Variants in CAMTA1 observed in about 807,000 individuals in gnomAD.
CAMTA1 encodes the protein calmodulin-binding transcription activator 1.
CAMTA1 carries 27 observed loss-of-function variants against 170.9 expected under a neutral mutation model. The ratio of observed to expected loss-of-function variants is 0.16; its 90% confidence interval spans 0.12 to 0.22. CAMTA1 has a LOEUF of 0.22. Among genes scored for constraint, CAMTA1 ranks in the 10% least tolerant of loss-of-function variants. The pLI is 1.00. For missense variants in CAMTA1, 1,619 were observed against 2,217.2 expected, an observed-to-expected ratio of 0.73 and a Z score of 5.42; for synonymous variants, 833 against 891.5, an observed-to-expected ratio of 0.93 and a Z score of 1.17.
intron 6 of CAMTA1, among the ~76,000 whole-genome samples, chr1:7,626,354 T>G (rs1413561844): frequency 6.6e-6 from 1 of 152,164 alleles, no homozygotes; most frequent in African/African-American, 2.4e-5. Flanking sequence ...GCTCCCCAGG[T>G]GCTCCTCCAG....
At chr1:7,056,155 G>A in intron 3 of CAMTA1, among the ~76,000 whole-genome samples, 1 of 152,204 alleles carries the variant, frequency 6.6e-6, no homozygotes, top group African/African-American at 2.4e-5. Flanking sequence ...CTGGTCCCCG[G>A]GGCCAGAGGC....
intron 6 of CAMTA1, among the ~76,000 whole-genome samples, chr1:7,498,880 GTA>G (rs769549033): frequency 4.0e-5 from 6 of 150,754 alleles, no homozygotes; most frequent in Non-Finnish European, 8.9e-5. Flanking sequence ...GAGTGAGTGT[GTA>G]GAGAGGATGG....
rs573509578 is a variant in CAMTA1, at chr1:7,183,605, A to G, written c.303-65886A>G. ...GTGGTTGAATAAGTGCTGGTGCATAATGCATAGTACATGGCACAGTGGATA... is the reference window on the plus strand; with the variant it reads ...GTGGTTGAATAAGTGCTGGTGCATAGTGCATAGTACATGGCACAGTGGATA... On this transcript the variant is annotated intron_variant, in intron 4 of 22. Transcript: ENST00000303635. Among the ~76,000 whole-genome samples the G allele has an allele frequency of 5.3e-5, 8 of 152,304 alleles. No individual in the cohort carries two copies. In the South Asian group the frequency reaches 1.0e-3, roughly 20 times the overall value.
rs2095250166 is a variant in CAMTA1, at chr1:7,580,440, G to T, written c.511-59960G>T. ...AAGACAGGTGAGGGGGCTGATGGGA[G>T]CCATGATGAGGTCCCAGGGGTAGTG... On this transcript the variant is annotated intron_variant, in intron 6 of 22. Coordinates refer to ENST00000303635, the MANE Select transcript of CAMTA1 (RefSeq NM_015215.4). The surrounding 1 kb of genome is among the most constrained non-coding windows in gnomAD (Gnocchi z 4.3). Among the ~76,000 whole-genome samples the T allele has an allele frequency of 6.6e-6, 1 of 152,140 alleles. No individual in the cohort carries two copies. Among genetic ancestry groups the T allele is most frequent in the South Asian group, 2.1e-4 (1 of 4,824 alleles).
chr1:7,632,683 G>A (rs1347098558), intron 6 of CAMTA1, among the ~76,000 whole-genome samples: 2 of 152,244 alleles, frequency 1.3e-5, no homozygotes, highest in South Asian at 2.1e-4. Context: ...AGGGCGGTGG[G>A]ACCCTGCTGC....
chr1:6,877,941 G>C (rs1250473982), intron 3 of CAMTA1, among the ~76,000 whole-genome samples: 1 of 152,172 alleles, frequency 6.6e-6, no homozygotes, highest in Non-Finnish European at 1.5e-5. Flanking sequence ...ATAGGTCCTT[G>C]CACATAGTAG....
intron 3 of CAMTA1, among the ~76,000 whole-genome samples, chr1:6,921,290 CT>C (rs1413580646): frequency 1.3e-5 from 2 of 152,134 alleles, no homozygotes; most frequent in Non-Finnish European, 2.9e-5. Flanking sequence ...TTTGCTAAAA[CT>C]TAACAAGAGT....
intron 3 of CAMTA1, among the ~76,000 whole-genome samples, chr1:7,023,430 C>T (rs976802806): frequency 4.6e-5 from 7 of 152,184 alleles, no homozygotes; most frequent in African/African-American, 1.7e-4. Flanking sequence ...AAATTGACCA[C>T]CACGGGAGAT....
chr1:7,113,741 C>G lies in CAMTA1; in HGVS notation c.302+22370C>G, dbSNP rs1429048867. On this transcript the variant is annotated intron_variant, in intron 4 of 22. Coordinates refer to ENST00000303635, the MANE Select transcript of CAMTA1 (RefSeq NM_015215.4). This position sits in a 1 kb window ranked among gnomAD's most constrained non-coding sequence, Gnocchi z 4.5. ...CTTTAATGATATTCTCTCACTTTAG[C>G]AATATATTTTGTGCTTCAAAAATGT... Among the ~76,000 whole-genome samples the G allele has an allele frequency of 1.3e-5, 2 of 152,228 alleles. No homozygotes were observed. The highest frequency in any genetic ancestry group is 6.5e-5 in the Admixed American group (1 of 15,276).
chr1:6,814,366 C>G (rs1318007361), intron 1 of CAMTA1, among the ~76,000 whole-genome samples: 1 of 152,196 alleles, frequency 6.6e-6, no homozygotes, highest in Non-Finnish European at 1.5e-5. Context: ...TGACCAAATT[C>G]TAGCCAGTGG....
chr1:7,500,002 T>C (rs1189373450), intron 6 of CAMTA1, among the ~76,000 whole-genome samples: 5 of 141,848 alleles, frequency 3.5e-5, no homozygotes, highest in Admixed American at 1.4e-4. Flanking sequence ...AGTGTGTGTG[T>C]GCATATGTGC....
intron 3 of CAMTA1, among the ~76,000 whole-genome samples, chr1:6,923,232 G>T (rs1682404907): frequency 6.6e-6 from 1 of 152,156 alleles, no homozygotes; most frequent in South Asian, 2.1e-4. Context: ...TCCGACCAGT[G>T]ATGGCTGCAG....
In CAMTA1 at chr1:7,534,460, C is replaced by CA. The variant is rs996468084; in HGVS notation, c.510+66560dup. The stretch of plus-strand genomic sequence containing the variant: ...GTTATTTGTCCAAATGAATTTGTGT[C>CA]ACGTTTCACAAAAAATCTGCTTCCC... On this transcript the variant is annotated intron_variant, in intron 6 of 22. Coordinates refer to ENST00000303635, the MANE Select transcript of CAMTA1 (RefSeq NM_015215.4). The surrounding 1 kb of genome is among the most constrained non-coding windows in gnomAD (Gnocchi z 5.6). Among the ~76,000 whole-genome samples the CA allele has an allele frequency of 4.6e-5, 7 of 152,228 alleles. No homozygotes were observed. Among genetic ancestry groups the CA allele is most frequent in the Non-Finnish European group, 1.5e-5 (1 of 68,042 alleles).
intron 3 of CAMTA1, among the ~76,000 whole-genome samples, chr1:6,943,846 C>CAA (rs1198830005): frequency 0.023 from 1,169 of 50,590 alleles, 32 homozygotes; most frequent in African/African-American, 0.063. Flanking sequence ...GACTCTGTCT[C>CAA]AAAAAAAAAA....
intron 4 of CAMTA1, among the ~76,000 whole-genome samples, chr1:7,192,799 G>T (rs1286812775): frequency 1.3e-5 from 2 of 152,194 alleles, no homozygotes; most frequent in Non-Finnish European, 2.9e-5. Flanking sequence ...GTTAGGATCT[G>T]AACCCAGGAG....
chr1:7,500,729 G>T (rs562046235), intron 6 of CAMTA1, among the ~76,000 whole-genome samples: 9 of 152,298 alleles, frequency 5.9e-5, no homozygotes, highest in African/African-American at 2.2e-4. Context: ...CGTCCAGATG[G>T]AGGGAGGGCC....
At chr1:7,121,376 A>G (rs1002778019) in intron 4 of CAMTA1, among the ~76,000 whole-genome samples, 4 of 152,238 alleles carry the variant, frequency 2.6e-5, no homozygotes, top group Admixed American at 2.6e-4. Flanking sequence ...ATGGGTGGAT[A>G]AGATGGATCA....
chr1:7,505,133 C>G (rs988704066), intron 6 of CAMTA1, among the ~76,000 whole-genome samples: 12 of 152,250 alleles, frequency 7.9e-5, no homozygotes, highest in African/African-American at 2.4e-4. Context: ...CTCATGGGCA[C>G]ATGCATAATA....
chr1:7,317,191 A>G (rs1677660230), intron 5 of CAMTA1, among the ~76,000 whole-genome samples: 1 of 152,150 alleles, frequency 6.6e-6, no homozygotes, highest in Non-Finnish European at 1.5e-5. Context: ...GGCCTGCGGG[A>G]GTAGGAAGGA....
Sources: allele counts gnomAD v4.1 joint callset (sites outside exome capture counted in the v4.1 genomes callset), GRCh38; gene constraint gnomAD v4.1.1; non-coding constraint Gnocchi (gnomAD v3.1); transcripts MANE v1.5; gene names NCBI Gene and HGNC (gene_info 2026-07-23, HGNC 2026-07-21).